The following ZC3H12B variants were observed in gnomAD, a reference collection of about 807,000 sequenced individuals.
ZC3H12B encodes the protein probable ribonuclease ZC3H12B.
A neutral mutation model predicts 43.9 loss-of-function variants in ZC3H12B; 7 were observed. The ratio of observed to expected loss-of-function variants is 0.16; its 90% CI spans 0.09 to 0.30. The LOEUF is 0.30. Among genes scored for constraint, ZC3H12B ranks in the 10% least tolerant of loss-of-function variants. The probability of loss-of-function intolerance (pLI) is 1.00; values close to 1 mark genes in which losing one functional copy is unlikely to be tolerated. For missense variants in ZC3H12B, 475 were observed against 670.2 expected (o/e 0.71, Z 3.22); for synonymous variants, 222 against 241.7 (o/e 0.92, Z 0.76).
At chrX:65,194,064 C>T in the ZC3H12B span, among the ~76,000 whole-genome samples, 1 of 109,331 alleles carries the variant, frequency 9.1e-6, no homozygotes, top group African/African-American at 3.3e-5. Flanking sequence ...AGAGCAGTGG[C>T]ACGGGGGTAA....
At chrX:65,230,257 T>C in the ZC3H12B span, among the ~76,000 whole-genome samples, 239 of 110,329 alleles carry the variant, frequency 2.2e-3, no homozygotes, top group Middle Eastern at 0.018. Context: ...AAATTGGAAA[T>C]CATCATTCTC....
chrX:65,187,449 G>C, the ZC3H12B span, among the ~76,000 whole-genome samples: 1 of 111,344 alleles, frequency 9.0e-6, no homozygotes, highest in Non-Finnish European at 1.9e-5. Context: ...ATGATGTACA[G>C]AAAATGGTAA....
At chrX:65,204,120 C>T in the ZC3H12B span, among the ~76,000 whole-genome samples, 1 of 112,417 alleles carries the variant, frequency 8.9e-6, no homozygotes, top group African/African-American at 3.2e-5. Context: ...GGAGGAGGAG[C>T]AGTGTTGTCA....
chrX:65,129,257 GTATATA>G, the ZC3H12B span, among the ~76,000 whole-genome samples: 1 of 86,004 alleles, frequency 1.2e-5, no homozygotes, highest in Non-Finnish European at 2.0e-5. Context: ...GTGTATATAT[GTATATA>G]TATATATATA....
the ZC3H12B span, among the ~76,000 whole-genome samples, chrX:65,137,439 G>C: frequency 8.9e-6 from 1 of 111,816 alleles, no homozygotes; most frequent in Non-Finnish European, 1.9e-5. Flanking sequence ...TGAATAGTTC[G>C]TTATGATGAA....
intron 3 of ZC3H12B, among the ~76,000 whole-genome samples, chrX:65,466,907 TA>T (rs1324691987): frequency 2.9e-5 from 2 of 69,714 alleles, no homozygotes; most frequent in Admixed American, 3.6e-4. Context: ...ACTATATATA[TA>T]AAACCAAATA....
At chrX:65,384,053 T>C (rs1196207339) in intron 2 of ZC3H12B, among the ~76,000 whole-genome samples, 2 of 100,152 alleles carry the variant, frequency 2.0e-5, no homozygotes, top group African/African-American at 3.6e-5. Context: ...CATGCTGCTA[T>C]AAAGACACAT....
intron 3 of ZC3H12B, among the ~76,000 whole-genome samples, chrX:65,424,906 C>T (rs954294844): frequency 2.7e-5 from 3 of 111,320 alleles, no homozygotes; most frequent in Non-Finnish European, 3.8e-5. Context: ...TGTGATGACC[C>T]CAGCTTTGTT....
At chrX:65,165,486 G>A in the ZC3H12B span, among the ~76,000 whole-genome samples, 1 of 111,878 alleles carries the variant, frequency 8.9e-6, no homozygotes, top group East Asian at 2.8e-4. Flanking sequence ...GTGCCCATGT[G>A]TTCTCATTGT....
chrX:65,390,432 AC>A (rs1602366177), intron 2 of ZC3H12B, among the ~76,000 whole-genome samples: 1 of 111,480 alleles, frequency 9.0e-6, no homozygotes, highest in African/African-American at 3.3e-5. Flanking sequence ...GAGTTGCTAT[AC>A]TCGAAATCAG....
At chrX:65,045,734 T>C in the ZC3H12B span, among the ~76,000 whole-genome samples, 1 of 112,272 alleles carries the variant, frequency 8.9e-6, no homozygotes, top group Non-Finnish European at 1.9e-5. Flanking sequence ...GAATGATGTA[T>C]TGTTTCCAGA....
exon 5 of ZC3H12B, chrX:65,503,168 C>T (rs370853791): frequency 1.7e-6 from 2 of 1,208,657 alleles, no homozygotes; most frequent in African/African-American, 3.5e-5. Flanking sequence ...TGCCCAGCAA[C>T]TGGCAGCCTT....
At chrX:65,102,967 G>A in the ZC3H12B span, among the ~76,000 whole-genome samples, 1 of 111,595 alleles carries the variant, frequency 9.0e-6, no homozygotes, top group East Asian at 2.8e-4. Context: ...AAGGCAGATG[G>A]GGGCAGAGCA....
At chrX:65,200,423 CCT>C in the ZC3H12B span, among the ~76,000 whole-genome samples, 1 of 93,715 alleles carries the variant, frequency 1.1e-5, no homozygotes, top group Non-Finnish European at 2.0e-5. Context: ...ATGATAGTTT[CCT>C]CTTTTTTTTT....
At chrX:65,166,173 C>A in the ZC3H12B span, among the ~76,000 whole-genome samples, 6 of 110,730 alleles carry the variant, frequency 5.4e-5, no homozygotes, top group Non-Finnish European at 1.1e-4. Flanking sequence ...TTAGGTATAT[C>A]TCCTAATGCT....
the ZC3H12B span, among the ~76,000 whole-genome samples, chrX:65,115,928 C>T: frequency 6.6e-3 from 733 of 110,497 alleles, 3 homozygotes; most frequent in Non-Finnish European, 9.7e-3. Flanking sequence ...ATTTGAGTTC[C>T]TTTTAGATTC....
At chrX:65,307,014 G>A in the ZC3H12B span, among the ~76,000 whole-genome samples, 8 of 112,382 alleles carry the variant, frequency 7.1e-5, no homozygotes, top group African/African-American at 2.6e-4. Context: ...ATGGTGAGAG[G>A]CTGGAAGAAT....
chrX:65,148,381 G>A, the ZC3H12B span, among the ~76,000 whole-genome samples: 4 of 112,070 alleles, frequency 3.6e-5, no homozygotes, highest in East Asian at 1.1e-3. Context: ...TGGGGCTGTG[G>A]GATCAGCCTA....
chrX:65,310,700 G>A, the ZC3H12B span, among the ~76,000 whole-genome samples: 57 of 111,674 alleles, frequency 5.1e-4, no homozygotes, highest in Non-Finnish European at 9.6e-4. Context: ...ACAATCCTAA[G>A]CCAAAAGAAC....
Sources: gnomAD v4.1 joint callset for allele counts (sites outside exome capture counted in the v4.1 genomes callset) on GRCh38, gnomAD v4.1.1 for gene constraint, MANE v1.5 for transcripts, NCBI Gene and HGNC (gene_info 2026-07-23, HGNC 2026-07-21) for gene names.